The following STAC variants were observed in gnomAD, a reference collection of about 807,000 sequenced individuals.
STAC encodes the protein SH3 and cysteine rich domain.
Under a neutral mutation model 48.8 loss-of-function variants are expected in STAC, and 43 were observed. The ratio of observed to expected loss-of-function variants is 0.88; its 90% confidence interval spans 0.69 to 1.14. STAC has a LOEUF of 1.14. STAC is among the 50% of genes most tolerant of loss of function. The pLI is 0.00. For missense variants in STAC, 497 were observed against 504.0 expected (o/e 0.99, Z 0.13); for synonymous variants, 193 against 179.5 (o/e 1.07, Z -0.60).
At chr3:36,387,244 C>A (rs1699637282) in intron 1 of STAC, among the ~76,000 whole-genome samples, 1 of 152,014 alleles carries the variant, frequency 6.6e-6, no homozygotes, top group African/African-American at 2.4e-5. Context: ...GTTTCTAGTT[C>A]ATTTTTTTCC....
intron 10 of STAC, among the ~76,000 whole-genome samples, chr3:36,534,731 C>G (rs983761337): frequency 6.6e-6 from 1 of 151,964 alleles, no homozygotes; most frequent in Non-Finnish European, 1.5e-5. Flanking sequence ...TCTTCATCTT[C>G]TTTTTGTGAG....
intron 1 of STAC, among the ~76,000 whole-genome samples, chr3:36,438,801 A>G (rs1024059540): frequency 1.3e-5 from 2 of 152,202 alleles, no homozygotes; most frequent in African/African-American, 2.4e-5. Flanking sequence ...AGTAAAGCAC[A>G]TGAGCACAGG....
At chr3:36,435,284 C>T (rs73065707) in intron 1 of STAC, among the ~76,000 whole-genome samples, 3,536 of 152,204 alleles carry the variant, frequency 0.023, 60 homozygotes, top group East Asian at 0.026. Flanking sequence ...CAGACTTTTT[C>T]TCTTTATTCA....
chr3:36,390,599 T>C (rs144016370), intron 1 of STAC, among the ~76,000 whole-genome samples: 2 of 152,172 alleles, frequency 1.3e-5, no homozygotes, highest in East Asian at 3.9e-4. Context: ...CGGGTTTTGA[T>C]TGCCAATGCT....
At chr3:36,448,050 A>G (rs1367520063) in intron 2 of STAC, among the ~76,000 whole-genome samples, 2 of 152,326 alleles carry the variant, frequency 1.3e-5, no homozygotes, top group East Asian at 3.9e-4. Context: ...TTACTACTAC[A>G]GGACAAAAAA....
At chr3:36,453,434 T>A (rs898514846) in intron 2 of STAC, among the ~76,000 whole-genome samples, 1 of 152,144 alleles carries the variant, frequency 6.6e-6, no homozygotes, top group Non-Finnish European at 1.5e-5. Context: ...GACCCCGCCC[T>A]CGGAGAGGCC....
chr3:36,405,365 G>A (rs1379891828), intron 1 of STAC, among the ~76,000 whole-genome samples: 2 of 152,176 alleles, frequency 1.3e-5, no homozygotes. Context: ...TATTATGAGG[G>A]TGTTCACAGC....
intron 2 of STAC, among the ~76,000 whole-genome samples, chr3:36,462,861 T>C (rs1204520877): frequency 6.6e-6 from 1 of 152,182 alleles, no homozygotes; most frequent in East Asian, 1.9e-4. Context: ...CTTATTATAA[T>C]AGGGAAGTAC....
intron 10 of STAC, among the ~76,000 whole-genome samples, chr3:36,530,539 A>G (rs1020080388): frequency 1.3e-5 from 2 of 151,834 alleles, no homozygotes; most frequent in African/African-American, 2.4e-5. Flanking sequence ...ATCATTTTCA[A>G]ACTAACAAAT....
intron 1 of STAC, among the ~76,000 whole-genome samples, chr3:36,398,368 A>AAAGAAAGAAAAAAAAGAGAG (rs1553631494): frequency 9.7e-6 from 1 of 102,880 alleles, no homozygotes; most frequent in African/African-American, 3.8e-5. Context: ...AGAAAGAAAG[A>AAAGAAAGAAAAAAAAGAGAG]AAAGAAAGAG....
chr3:36,543,958 C>G (rs182149265), intron 10 of STAC, among the ~76,000 whole-genome samples: 30 of 152,200 alleles, frequency 2.0e-4, no homozygotes, highest in African/African-American at 7.0e-4. Flanking sequence ...CATGTTTCAC[C>G]TAGAACCAGC....
intron 8 of STAC, among the ~76,000 whole-genome samples, chr3:36,511,071 T>A (rs1237338948): frequency 6.6e-6 from 1 of 151,876 alleles, no homozygotes; most frequent in Non-Finnish European, 1.5e-5. Flanking sequence ...ACTGAAATAC[T>A]AGATAGAATA....
At chr3:36,447,274 A>AG (rs1411707516) in intron 2 of STAC, among the ~76,000 whole-genome samples, 1 of 152,140 alleles carries the variant, frequency 6.6e-6, no homozygotes, top group Non-Finnish European at 1.5e-5. Context: ...TGGAAAAAAA[A>AG]GGGGGGCATC....
chr3:36,523,496 A>G (rs1698853548), intron 8 of STAC, among the ~76,000 whole-genome samples: 1 of 152,232 alleles, frequency 6.6e-6, no homozygotes, highest in South Asian at 2.1e-4. Context: ...AATGTTTTTT[A>G]AGTAACTGGG....
chr3:36,462,793 A>G (rs552035784), intron 2 of STAC, among the ~76,000 whole-genome samples: 50 of 152,284 alleles, frequency 3.3e-4, no homozygotes, highest in African/African-American at 1.2e-3. Flanking sequence ...GATGGTAAGG[A>G]AGAGATTCTA....
rs549292576 is a variant in STAC, at chr3:36,394,313, A to C, written c.111+13559A>C. On this transcript the variant is annotated intron_variant, in intron 1 of 10. Coordinates refer to ENST00000273183, the MANE Select transcript of STAC (RefSeq NM_003149.3). ...TGTATTAAACACCACAGATTAGAGA[A>C]CATTTTCATGATTGCACAAGGTTCT... is the stretch of plus-strand genomic sequence containing the variant. Among the ~76,000 whole-genome samples, 346 of 152,338 alleles carry C rather than the reference A, an allele frequency of 2.3e-3. 2 individuals are homozygous for C. In the Middle Eastern group the frequency reaches 0.037, roughly 16 times the overall value.
chr3:36,545,730 C>G (rs111347619), intron 10 of STAC, among the ~76,000 whole-genome samples: 84 of 152,220 alleles, frequency 5.5e-4, no homozygotes, highest in Admixed American at 1.6e-3. Flanking sequence ...TGAAATAGTT[C>G]CCTTTGACTT....
chr3:36,544,827 C>T (rs2125507195), intron 10 of STAC, among the ~76,000 whole-genome samples: 1 of 152,328 alleles, frequency 6.6e-6, no homozygotes, highest in South Asian at 2.1e-4. Context: ...CTTCATGAAA[C>T]AGTCAACACA....
chr3:36,526,207 G>C (rs148722114), intron 8 of STAC, among the ~76,000 whole-genome samples: 248 of 152,276 alleles, frequency 1.6e-3, no homozygotes, highest in African/African-American at 5.6e-3. Context: ...AAAAGCGTGA[G>C]AGTCTGCAGT....
Sources: gnomAD v4.1 joint callset for allele counts (sites outside exome capture counted in the v4.1 genomes callset) on GRCh38, gnomAD v4.1.1 for gene constraint, MANE v1.5 for transcripts, NCBI Gene and HGNC (gene_info 2026-07-23, HGNC 2026-07-21) for gene names.